The following PROS1 variants were observed in gnomAD, a reference collection of about 807,000 sequenced individuals.
PROS1 encodes the protein vitamin K-dependent protein S.
PROS1 carries 29 observed loss-of-function variants against 75.9 expected under a neutral mutation model. The ratio of observed to expected loss-of-function variants is 0.38; its 90% CI spans 0.28 to 0.52. PROS1 has a LOEUF of 0.52. Among genes scored for constraint, PROS1 ranks in the 20% least tolerant of loss-of-function variants. The probability of loss-of-function intolerance (pLI) is 0.83; values close to 1 mark genes in which losing one functional copy is unlikely to be tolerated. For synonymous variants in PROS1, 245 were observed against 280.6 expected (o/e 0.87, Z 1.27); for missense variants, 680 against 810.3 (o/e 0.84, Z 1.95).
intron 4 of PROS1, among the ~76,000 whole-genome samples, chr3:93,907,089 C>T (rs1708687755): frequency 6.6e-6 from 1 of 152,188 alleles, no homozygotes; most frequent in South Asian, 2.1e-4. Context: ...CACCTTCAGG[C>T]TGGGGAAGGC....
chr3:93,904,324 T>C (rs1329706450), intron 6 of PROS1, among the ~76,000 whole-genome samples: 1 of 152,150 alleles, frequency 6.6e-6, no homozygotes, highest in African/African-American at 2.4e-5. Context: ...CCTTTGGGTA[T>C]ATATTCTAAG....
intron 1 of PROS1, among the ~76,000 whole-genome samples, chr3:93,930,299 C>T (rs571513954): frequency 1.3e-5 from 2 of 152,272 alleles, no homozygotes; most frequent in South Asian, 4.1e-4. Flanking sequence ...AAGAGCCTGA[C>T]GTGGGCAATT....
chr3:93,893,171 C>G, intron 9 of PROS1, 49 bp from the exon 10 acceptor site: 1 of 1,484,118 alleles, frequency 6.7e-7, no homozygotes, highest in Non-Finnish European at 9.3e-7. Context: ...ATACAGAAAG[C>G]TCAATGCATT....
At chr3:93,961,788 C>T (rs1181257629) in intron 1 of PROS1, among the ~76,000 whole-genome samples, 3 of 152,246 alleles carry the variant, frequency 2.0e-5, no homozygotes, top group African/African-American at 7.2e-5. Flanking sequence ...TCCGTTCTAA[C>T]AGTTGGCTTG....
chr3:93,938,954 C>A (rs921947441), intron 1 of PROS1, among the ~76,000 whole-genome samples: 3 of 152,116 alleles, frequency 2.0e-5, no homozygotes, highest in African/African-American at 7.2e-5. Flanking sequence ...CTCACCACCC[C>A]CCTTCTCCAT....
chr3:93,912,401 A>G (rs1359625876), intron 3 of PROS1, among the ~76,000 whole-genome samples: 1 of 152,188 alleles, frequency 6.6e-6, no homozygotes, highest in East Asian at 1.9e-4. Flanking sequence ...TCCATTTGCC[A>G]TATAAGGTAA....
At chr3:93,959,701 CT>C (rs1353566653) in intron 1 of PROS1, among the ~76,000 whole-genome samples, 1 of 152,196 alleles carries the variant, frequency 6.6e-6, no homozygotes, top group Non-Finnish European at 1.5e-5. Context: ...CCAGGTAAAC[CT>C]GATGCTGATG....
intron 1 of PROS1, among the ~76,000 whole-genome samples, chr3:93,942,222 C>T (rs973330584): frequency 1.3e-4 from 20 of 152,252 alleles, no homozygotes; most frequent in South Asian, 2.1e-4. Flanking sequence ...ACTCCCTCTC[C>T]GCAAGCCGAA....
intron 12 of PROS1, 137 bp downstream of exon 12, chr3:93,884,591 A>G: frequency 3.0e-6 from 3 of 997,958 alleles, no homozygotes; most frequent in Non-Finnish European, 4.4e-6. Context: ...AAGGTATATA[A>G]TAGTATGAAT....
intron 3 of PROS1, among the ~76,000 whole-genome samples, chr3:93,911,627 A>T (rs916153584): frequency 8.5e-5 from 13 of 152,112 alleles, no homozygotes; most frequent in African/African-American, 3.1e-4. Context: ...TCCAAGATGG[A>T]GCATCTTGGA....
At chr3:93,877,235 T>C in intron 13 of PROS1, 44 bp from the exon 14 acceptor site, 1 of 1,422,818 alleles carries the variant, frequency 7.0e-7, no homozygotes, top group Non-Finnish European at 9.9e-7. Flanking sequence ...GGAGTAAGAG[T>C]AATGCTGCTT....
intron 1 of PROS1, among the ~76,000 whole-genome samples, chr3:93,940,813 G>A (rs1475131092): frequency 3.3e-5 from 5 of 151,992 alleles, no homozygotes. Flanking sequence ...CTACAGCATG[G>A]GCTTCTAAAA....
intron 10 of PROS1, among the ~76,000 whole-genome samples, chr3:93,888,649 T>G (rs796326311): frequency 5.3e-5 from 8 of 152,258 alleles, no homozygotes; most frequent in African/African-American, 1.7e-4. Context: ...AGGCTTAACT[T>G]CAAAAATATA....
intron 1 of PROS1, among the ~76,000 whole-genome samples, chr3:93,940,752 C>T (rs764188023): frequency 1.6e-4 from 25 of 152,146 alleles, no homozygotes; most frequent in Non-Finnish European, 3.4e-4. Flanking sequence ...ACACCAGTAT[C>T]CTATCCCACA....
chr3:93,971,603 C>CA (rs1393210410), intron 1 of PROS1, among the ~76,000 whole-genome samples: 4 of 141,776 alleles, frequency 2.8e-5, no homozygotes, highest in African/African-American at 5.3e-5. Context: ...CCAACTCTAC[C>CA]AAAAAAACAA....
intron 1 of PROS1, among the ~76,000 whole-genome samples, chr3:93,944,183 C>A (rs530662603): frequency 3.3e-5 from 5 of 152,066 alleles, no homozygotes; most frequent in African/African-American, 1.2e-4. Context: ...AAGACTAACA[C>A]GAAACCAGAT....
At chr3:93,951,923 G>A (rs1238187279) in intron 1 of PROS1, among the ~76,000 whole-genome samples, 1 of 152,076 alleles carries the variant, frequency 6.6e-6, no homozygotes, top group East Asian at 1.9e-4. Flanking sequence ...AAAAGCAGGG[G>A]TTGCAATCCT....
chr3:93,956,198 A>G (rs1345233027), intron 1 of PROS1, among the ~76,000 whole-genome samples: 5 of 152,146 alleles, frequency 3.3e-5, no homozygotes, highest in Admixed American at 6.5e-5. Flanking sequence ...GTATCTTTCA[A>G]TTTTGCTAAT....
chr3:93,934,932 T>A (rs1215128144), intron 1 of PROS1, among the ~76,000 whole-genome samples: 10 of 150,058 alleles, frequency 6.7e-5, no homozygotes, highest in African/African-American at 1.7e-4. Context: ...AGCCCCTTTC[T>A]AGGAAAAAAA....
Sources: gnomAD v4.1 joint callset for allele counts (sites outside exome capture counted in the v4.1 genomes callset) on GRCh38, gnomAD v4.1.1 for gene constraint, MANE v1.5 for transcripts, NCBI Gene and HGNC (gene_info 2026-07-23, HGNC 2026-07-21) for gene names.